The following BBS9 variants were observed in gnomAD, a reference collection of about 807,000 sequenced individuals.
The protein encoded by BBS9 is Bardet-Biedl syndrome 9.
BBS9 carries 89 observed loss-of-function variants against 117.7 expected under a neutral mutation model. The ratio of observed to expected loss-of-function variants is 0.76; its 90% CI spans 0.64 to 0.90. The LOEUF (loss-of-function observed/expected upper bound fraction) is 0.90, where lower values mean the gene tolerates loss of function less well. Ranked by LOEUF, BBS9 falls within the 40% of genes least tolerant of loss-of-function variation. The pLI is 0.00. For synonymous variants in BBS9, 379 were observed against 370.9 expected, an observed-to-expected ratio of 1.02 and a Z score of -0.25; for missense variants, 982 against 1,042.2, an observed-to-expected ratio of 0.94 and a Z score of 0.80.
At chr7:33,511,841 T>C (rs1306273664) in intron 20 of BBS9, among the ~76,000 whole-genome samples, 1 of 152,236 alleles carries the variant, frequency 6.6e-6, no homozygotes, top group East Asian at 1.9e-4. Flanking sequence ...TAAAGACTTC[T>C]ACGTCATAGG....
chr7:33,201,391 C>T (rs546491450), intron 5 of BBS9, among the ~76,000 whole-genome samples: 19 of 151,300 alleles, frequency 1.3e-4, no homozygotes, highest in East Asian at 9.7e-4. Context: ...TTTTTCTTTC[C>T]GTTATTATTC....
chr7:33,597,387 A>G (rs1216931565), intron 21 of BBS9, among the ~76,000 whole-genome samples: 1 of 152,174 alleles, frequency 6.6e-6, no homozygotes, highest in East Asian at 1.9e-4. Context: ...TTGGCAAGTC[A>G]GAACAAGGTC....
At chr7:33,227,655 A>T (rs543273196) in intron 5 of BBS9, among the ~76,000 whole-genome samples, 1 of 152,010 alleles carries the variant, frequency 6.6e-6, no homozygotes, top group South Asian at 2.1e-4. Flanking sequence ...TATCATTCCT[A>T]TGCTTTTGCA....
chr7:33,345,713 G>T (rs1047852415), intron 12 of BBS9, among the ~76,000 whole-genome samples: 4 of 152,142 alleles, frequency 2.6e-5, no homozygotes, highest in African/African-American at 7.2e-5. Flanking sequence ...AAACACTTAA[G>T]AAAAAGAAAT....
chr7:33,597,112 C>CAG (rs1554555181), intron 21 of BBS9, among the ~76,000 whole-genome samples: 12 of 139,852 alleles, frequency 8.6e-5, no homozygotes, highest in South Asian at 4.6e-4. Context: ...CACACACACA[C>CAG]AGTAAAATTT....
intron 7 of BBS9, among the ~76,000 whole-genome samples, chr7:33,268,954 G>A (rs1317988639): frequency 3.3e-5 from 5 of 152,228 alleles, no homozygotes; most frequent in Non-Finnish European, 5.9e-5. Flanking sequence ...GTCCTGTCCA[G>A]TGGAGTCATT....
At chr7:33,281,464 C>T (rs1215195012) in intron 9 of BBS9, among the ~76,000 whole-genome samples, 2 of 147,062 alleles carry the variant, frequency 1.4e-5, no homozygotes, top group Admixed American at 1.4e-4. Context: ...GCCTTGAATG[C>T]CTCAGTTCAA....
At chr7:33,593,777 A>T (rs963619932) in intron 21 of BBS9, among the ~76,000 whole-genome samples, 2 of 152,176 alleles carry the variant, frequency 1.3e-5, no homozygotes, top group Non-Finnish European at 2.9e-5. Flanking sequence ...AATTCACTTT[A>T]TGAAGCCCTG....
At chr7:33,207,804 A>G (rs1370522561) in intron 5 of BBS9, among the ~76,000 whole-genome samples, 1 of 149,852 alleles carries the variant, frequency 6.7e-6, no homozygotes, top group Non-Finnish European at 1.5e-5. Flanking sequence ...ACACTTACAT[A>G]TAGATATAAC....
rs1815358558 is a variant in BBS9, at chr7:33,336,427, C to T, written c.1017-14C>T. On this transcript the variant is annotated splice_polypyrimidine_tract_variant and intron_variant, in intron 9 of 22. Coordinates refer to ENST00000242067, the MANE Select transcript of BBS9 (RefSeq NM_198428.3). ...AATTTAAAATTATGTCTCATTTTCT[C>T]TTCCTTATTGTAGTGATTTAAAGGG... 2 of 1,609,178 alleles carry T rather than the reference C, an allele frequency of 1.2e-6. No individual in the cohort carries two copies. Among genetic ancestry groups the T allele is most frequent in the South Asian group, 2.2e-5 (2 of 90,750 alleles).
At chr7:33,295,437 C>A (rs1805058798) in intron 9 of BBS9, among the ~76,000 whole-genome samples, 2 of 151,738 alleles carry the variant, frequency 1.3e-5, no homozygotes, top group South Asian at 2.1e-4. Context: ...TTTAAGAAAC[C>A]AGATTTTTTT....
intron 21 of BBS9, among the ~76,000 whole-genome samples, chr7:33,598,211 G>A (rs946418444): frequency 6.8e-5 from 10 of 147,766 alleles, no homozygotes; most frequent in Non-Finnish European, 4.4e-5. Flanking sequence ...TAAAATATTG[G>A]AAAATCTAAG....
intron 18 of BBS9, 72 bp downstream of exon 18, chr7:33,383,910 A>C (rs966639559): frequency 1.4e-6 from 2 of 1,464,692 alleles, no homozygotes; most frequent in Non-Finnish European, 1.9e-6. Flanking sequence ...CTATAGAAGG[A>C]TTCTGTATGC....
intron 19 of BBS9, among the ~76,000 whole-genome samples, chr7:33,446,139 C>A (rs1215289966): frequency 3.3e-5 from 5 of 152,028 alleles, no homozygotes; most frequent in Non-Finnish European, 5.9e-5. Flanking sequence ...AAATATGGTT[C>A]CTTAAGATTA....
chr7:33,477,439 G>A (rs1461455090), intron 19 of BBS9, among the ~76,000 whole-genome samples: 1 of 152,068 alleles, frequency 6.6e-6, no homozygotes, highest in Non-Finnish European at 1.5e-5. Flanking sequence ...TGTTTACTGT[G>A]CATCTGGCTA....
intron 21 of BBS9, among the ~76,000 whole-genome samples, chr7:33,594,141 A>G (rs1253093268): frequency 6.6e-6 from 1 of 152,108 alleles, no homozygotes. Context: ...GGGGGTTTTA[A>G]AACTTGTTGA....
intron 9 of BBS9, among the ~76,000 whole-genome samples, chr7:33,284,840 A>AC (rs887864295): frequency 1.3e-5 from 2 of 152,070 alleles, no homozygotes; most frequent in Non-Finnish European, 2.9e-5. Flanking sequence ...ACAGTGGAAG[A>AC]TTTTTTTAGT....
intron 5 of BBS9, among the ~76,000 whole-genome samples, chr7:33,179,770 A>T (rs1409000586): frequency 1.3e-5 from 2 of 152,210 alleles, no homozygotes; most frequent in Non-Finnish European, 2.9e-5. Flanking sequence ...TGTCTTCCAC[A>T]AAACTGGTCC....
intron 19 of BBS9, among the ~76,000 whole-genome samples, chr7:33,500,760 TG>T (rs1202314714): frequency 6.6e-6 from 1 of 152,328 alleles, no homozygotes; most frequent in East Asian, 1.9e-4. Flanking sequence ...ACTCTGCTGT[TG>T]CTGCTGCTGC....
Sources: gnomAD v4.1 joint callset for allele counts (sites outside exome capture counted in the v4.1 genomes callset) on GRCh38, gnomAD v4.1.1 for gene constraint, MANE v1.5 for transcripts, NCBI Gene and HGNC (gene_info 2026-07-23, HGNC 2026-07-21) for gene names.